COL26A1: variants seen among roughly 807,000 people sequenced by gnomAD.
The protein encoded by COL26A1 is collagen alpha-1(XXVI) chain.
In COL26A1, 41 loss-of-function variants were observed where a neutral mutation model predicts 59.3. That is an observed-to-expected ratio of 0.69 (90% confidence interval 0.54 to 0.90). COL26A1 has a LOEUF of 0.90. COL26A1 is among the 40% of genes least tolerant of loss of function. The pLI is 0.00. For missense variants in COL26A1, 612 were observed against 602.3 expected (o/e 1.02, Z -0.17); for synonymous variants, 266 against 256.0 (o/e 1.04, Z -0.37).
intron 11 of COL26A1, among the ~76,000 whole-genome samples, chr7:101,555,523 G>A (rs1250949224): frequency 6.6e-6 from 1 of 151,714 alleles, no homozygotes; most frequent in Non-Finnish European, 1.5e-5. Flanking sequence ...AGTCTGGATC[G>A]GCCGCTTTGC....
intron 3 of COL26A1, among the ~76,000 whole-genome samples, chr7:101,485,066 G>A (rs1002103125): frequency 5.3e-5 from 8 of 151,934 alleles, no homozygotes; most frequent in Non-Finnish European, 8.8e-5. Context: ...TGGCCAGGCT[G>A]GTCTCGAACT....
At chr7:101,375,476 A>G (rs1259669127) in intron 1 of COL26A1, among the ~76,000 whole-genome samples, 1 of 152,022 alleles carries the variant, frequency 6.6e-6, no homozygotes, top group African/African-American at 2.4e-5. Context: ...CATGAGGATC[A>G]CTTGAGACCA....
intron 4 of COL26A1, 104 bp from the exon 5 acceptor site, chr7:101,539,789 C>A: frequency 8.4e-7 from 1 of 1,188,010 alleles, no homozygotes; most frequent in Non-Finnish European, 1.2e-6. Flanking sequence ...ACAGCGTGGA[C>A]AGCTGCAGGT....
chr7:101,523,372 G>T (rs763136599), intron 3 of COL26A1, among the ~76,000 whole-genome samples: 3 of 152,070 alleles, frequency 2.0e-5, no homozygotes, highest in Non-Finnish European at 2.9e-5. Context: ...CCTGGCCCGA[G>T]AAATTCTTAA....
intron 3 of COL26A1, among the ~76,000 whole-genome samples, chr7:101,459,216 G>A (rs576750128): frequency 1.3e-5 from 2 of 152,158 alleles, no homozygotes; most frequent in South Asian, 2.1e-4. Context: ...CAGTACAAGG[G>A]ACAGGGCCGC....
chr7:101,398,757 CAG>C (rs1417235589), intron 1 of COL26A1, among the ~76,000 whole-genome samples: 1 of 152,178 alleles, frequency 6.6e-6, no homozygotes, highest in Non-Finnish European at 1.5e-5. Flanking sequence ...GTAGAGTTCT[CAG>C]AGGGCCGCTG....
chr7:101,533,077 T>G lies in COL26A1; in HGVS notation c.386-5T>G. Reference sequence around the variant, plus strand: ...GCTCTCATATAAGTTCCTCTTCTCTTTCAGAATGCATGAACTGCACCCGGC... The same window carrying G: ...GCTCTCATATAAGTTCCTCTTCTCTGTCAGAATGCATGAACTGCACCCGGC... On this transcript the variant is annotated splice_polypyrimidine_tract_variant and splice_region_variant and intron_variant, in intron 3 of 12. Transcript: ENST00000313669. 1 of 1,602,868 alleles carries G rather than the reference T, an allele frequency of 6.2e-7. No homozygotes were observed. The highest frequency in any genetic ancestry group is 8.5e-7 in the Non-Finnish European group (1 of 1,175,382).
chr7:101,492,699 AAAATAAATAAATAAATAAAT>A (rs200117030), intron 3 of COL26A1, among the ~76,000 whole-genome samples: 17,927 of 141,172 alleles, frequency 0.13, 1,878 homozygotes, highest in African/African-American at 0.28. Flanking sequence ...TCTGTCTCAA[AAAATAAATAAATAAATAAAT>A]AAATAAATAA....
At chr7:101,400,683 C>T (rs1481834005) in intron 1 of COL26A1, among the ~76,000 whole-genome samples, 1 of 151,972 alleles carries the variant, frequency 6.6e-6, no homozygotes, top group South Asian at 2.1e-4. Context: ...TTTAGCCTCC[C>T]GAGTAGCTGG....
intron 1 of COL26A1, among the ~76,000 whole-genome samples, chr7:101,372,461 C>A (rs1791217683): frequency 6.6e-6 from 1 of 150,434 alleles, no homozygotes; most frequent in Non-Finnish European, 1.5e-5. Context: ...CGCACCTGGC[C>A]TTCTGGGGAG....
At chr7:101,425,843 TGGAGAC>T (rs1052917503) in intron 2 of COL26A1, among the ~76,000 whole-genome samples, 7 of 149,812 alleles carry the variant, frequency 4.7e-5, no homozygotes, top group African/African-American at 1.7e-4. Flanking sequence ...TTTTTTTTTT[TGGAGAC>T]GGAATGTCAT....
intron 3 of COL26A1, among the ~76,000 whole-genome samples, chr7:101,530,781 C>T (rs1311665444): frequency 1.3e-5 from 2 of 151,972 alleles, no homozygotes; most frequent in Non-Finnish European, 2.9e-5. Flanking sequence ...GCATTTTGAG[C>T]CCCAGGAGAG....
rs1387032420 is a variant in COL26A1 at position 101,400,351 on chromosome 7, C to CTT, written c.159-19625_159-19624insTT. 7.9e-4 allele frequency among the ~76,000 whole-genome samples: 98 copies of CTT among 123,378 alleles called. 8 individuals carry two copies. The highest frequency in any genetic ancestry group is 1.0e-3 in the Non-Finnish European group (62 of 59,052). 80.9% of individuals were successfully genotyped at this position (123,378 alleles called of 152,430 possible). On this transcript the variant is annotated intron_variant, in intron 1 of 12. Transcript: ENST00000313669. ...GTCCACACTGCCTTTCTTTTTTTTC[C>CTT]TATTTTTTTTTTTTTTTTTTTTTTT... is the stretch of plus-strand genomic sequence containing the variant.
chr7:101,544,087 G>C lies in COL26A1; in HGVS notation c.694G>C (p.Gly232Arg). 1.2e-6 allele frequency: 2 copies of C among 1,601,294 alleles called. No individual in the cohort carries two copies. The highest frequency in any genetic ancestry group is 2.3e-5 in the South Asian group (2 of 88,414). The stretch of plus-strand genomic sequence containing the variant: ...CCAGACAGGAGAGAAGGGTCCAGCG[G>C]GGCCGCCTGGTAAGAAAACCCCCCA... ...RGQTGEKGPA[G>R]PPGLLGPPGP... Residue 232 changes from glycine (G) to arginine (R), a missense_variant, in exon 6 of 13, where the codon GGG becomes CGG. Transcript: ENST00000313669.
Position 101,557,746 on chromosome 7 carries a change from C to T in COL26A1, c.*216C>T, listed in dbSNP as rs1289215334. The stretch of plus-strand genomic sequence containing the variant: ...AGCCCTCCTCTGGCCTGTCCCCTCC[C>T]CTACCCCCACTCCCGGCTGGAGACG... On this transcript the variant is annotated 3_prime_UTR_variant, in exon 13 of 13. Coordinates refer to ENST00000313669, the MANE Select transcript of COL26A1 (RefSeq NM_001278563.3). 2 of 479,822 alleles carry T rather than the reference C, an allele frequency of 4.2e-6. No individual in the cohort carries two copies. The highest frequency in any genetic ancestry group is 7.3e-6 in the Non-Finnish European group (2 of 273,886). 29.7% of individuals were successfully genotyped at this position (479,822 alleles called of 1,614,324 possible). A position where few individuals can be genotyped will look rare whatever the true frequency, so the allele number is the denominator to read the frequency against.
Position 101,471,567 on chromosome 7 carries a change from G to GTTTTTTTTTTTTTTTT in COL26A1, c.385+23783_385+23784insTTTTTTTTTTTTTTTT, listed in dbSNP as rs796287195. ...ATAATGTTTTGTTGTTGTTGTTGTTGTTTGTTTTTTTTTTTTTTTTTTTTT... is the reference window on the plus strand; with the variant it reads ...ATAATGTTTTGTTGTTGTTGTTGTTGTTTTTTTTTTTTTTTTTTTGTTTTTTTTTTTTTTTTTTTTT... On this transcript the variant is annotated intron_variant, in intron 3 of 12. Coordinates refer to ENST00000313669, the MANE Select transcript of COL26A1 (RefSeq NM_001278563.3). 8.9e-5 allele frequency among the ~76,000 whole-genome samples: 10 copies of GTTTTTTTTTTTTTTTT among 112,384 alleles called. 1 individual carries two copies. Among genetic ancestry groups the GTTTTTTTTTTTTTTTT allele is most frequent in the African/African-American group, 3.2e-4 (9 of 28,396 alleles). 73.7% of individuals were successfully genotyped at this position (112,384 alleles called of 152,430 possible).
intron 3 of COL26A1, among the ~76,000 whole-genome samples, chr7:101,520,633 T>TATAC (rs1452059213): frequency 1.5e-5 from 2 of 137,224 alleles, no homozygotes; most frequent in Non-Finnish European, 3.0e-5. Flanking sequence ...CACAGACACA[T>TATAC]ACACACACAC....
At chr7:101,427,232 A>G (rs1014444863) in intron 2 of COL26A1, among the ~76,000 whole-genome samples, 1 of 152,146 alleles carries the variant, frequency 6.6e-6, no homozygotes, top group Non-Finnish European at 1.5e-5. Context: ...TAATTAAAAA[A>G]TTTTGTTTTT....
intron 3 of COL26A1, among the ~76,000 whole-genome samples, chr7:101,511,943 G>A (rs1031202340): frequency 2.6e-5 from 4 of 152,146 alleles, no homozygotes; most frequent in Non-Finnish European, 5.9e-5. Context: ...GCTGCAGTGA[G>A]CTATGATCAC....
Sources: allele counts gnomAD v4.1 joint callset (sites outside exome capture counted in the v4.1 genomes callset), GRCh38; gene constraint gnomAD v4.1.1; transcripts MANE v1.5; gene names NCBI Gene and HGNC (gene_info 2026-07-23, HGNC 2026-07-21).